The following ENTREP2 variants were observed in gnomAD, a reference collection of about 807,000 sequenced individuals.
The protein encoded by ENTREP2 is endosomal transmembrane epsin interactor 2, also known as protein ENTREP2.
chr15:29,515,803 T>C, the ENTREP2 span, among the ~76,000 whole-genome samples: 44 of 152,318 alleles, frequency 2.9e-4, no homozygotes, highest in Non-Finnish European at 5.9e-4. Context: ...ATGGGGAATG[T>C]ATCCCCTGGC....
chr15:29,543,678 C>T, the ENTREP2 span, among the ~76,000 whole-genome samples: 3 of 151,876 alleles, frequency 2.0e-5, no homozygotes, highest in African/African-American at 7.3e-5. Context: ...ATTCAGGAGG[C>T]TGAGGCAGGA....
chr15:29,255,145 A>G, the ENTREP2 span, among the ~76,000 whole-genome samples: 1 of 152,156 alleles, frequency 6.6e-6, no homozygotes, highest in Non-Finnish European at 1.5e-5. Flanking sequence ...AGAGACCTAT[A>G]ATCAGCCATT....
chr15:29,261,131 T>C, the ENTREP2 span, among the ~76,000 whole-genome samples: 2 of 152,136 alleles, frequency 1.3e-5, no homozygotes, highest in African/African-American at 4.8e-5. Flanking sequence ...ACACAGCTGC[T>C]TGGGAGGCTA....
At chr15:29,571,780 G>C in the ENTREP2 span, among the ~76,000 whole-genome samples, 1 of 152,320 alleles carries the variant, frequency 6.6e-6, no homozygotes, top group Admixed American at 6.5e-5. Flanking sequence ...TGCAAGTTTT[G>C]ATTGCCATAA....
At chr15:29,485,556 T>C in the ENTREP2 span, among the ~76,000 whole-genome samples, 87 of 152,240 alleles carry the variant, frequency 5.7e-4, no homozygotes, top group African/African-American at 2.1e-3. Context: ...GACAGAAGAT[T>C]ACCATTGAGG....
the ENTREP2 span, among the ~76,000 whole-genome samples, chr15:29,433,614 C>T: frequency 6.6e-6 from 1 of 152,228 alleles, no homozygotes; most frequent in East Asian, 1.9e-4. Context: ...CTTGACAAGT[C>T]TAGAGAGAAT....
At chr15:29,123,546 C>G in the ENTREP2 span, 1 of 1,551,738 alleles carries the variant, frequency 6.4e-7, no homozygotes, top group Middle Eastern at 1.7e-4. Context: ...CTTTGGAGGT[C>G]GCTGGGAAGG....
chr15:29,576,315 A>G, the ENTREP2 span, among the ~76,000 whole-genome samples: 1 of 152,246 alleles, frequency 6.6e-6, no homozygotes, highest in Non-Finnish European at 1.5e-5. Flanking sequence ...AGCTCATATC[A>G]TAATCAAAAG....
the ENTREP2 span, among the ~76,000 whole-genome samples, chr15:29,192,688 G>A: frequency 2.0e-5 from 3 of 152,288 alleles, no homozygotes; most frequent in South Asian, 6.2e-4. Context: ...CAAATACTAG[G>A]AATTAAAAAC....
chr15:29,447,230 C>G, the ENTREP2 span, among the ~76,000 whole-genome samples: 2 of 152,124 alleles, frequency 1.3e-5, no homozygotes, highest in African/African-American at 4.8e-5. Flanking sequence ...GAAAGTCCAA[C>G]CTTTAAAGCA....
At chr15:29,668,142 C>T in the ENTREP2 span, among the ~76,000 whole-genome samples, 2 of 152,240 alleles carry the variant, frequency 1.3e-5, no homozygotes, top group East Asian at 3.9e-4. Context: ...AAAAGGGTGT[C>T]GTTGATTAAA....
the ENTREP2 span, among the ~76,000 whole-genome samples, chr15:29,392,003 A>G: frequency 1.3e-5 from 2 of 151,596 alleles, no homozygotes; most frequent in Non-Finnish European, 2.9e-5. Flanking sequence ...TTTTTTTCCT[A>G]TTTTTTAGTA....
chr15:29,178,293 T>TAA, the ENTREP2 span, among the ~76,000 whole-genome samples: 2,321 of 111,322 alleles, frequency 0.021, 72 homozygotes, highest in African/African-American at 0.073. Flanking sequence ...GAACCTGTCT[T>TAA]AAAAAAAAAA....
At chr15:29,654,955 G>A in the ENTREP2 span, among the ~76,000 whole-genome samples, 2 of 152,106 alleles carry the variant, frequency 1.3e-5, no homozygotes, top group South Asian at 2.1e-4. Context: ...ACAAAAGGAG[G>A]GGTACTTTGT....
chr15:29,135,796 T>C, the ENTREP2 span, among the ~76,000 whole-genome samples: 1 of 152,212 alleles, frequency 6.6e-6, no homozygotes, highest in South Asian at 2.1e-4. The surrounding 1 kb of genome is among the most constrained non-coding windows in gnomAD (Gnocchi z 7.4). Context: ...GGCACTTCCC[T>C]GGCCTGAAGC....
At chr15:29,635,036 G>T in the ENTREP2 span, among the ~76,000 whole-genome samples, 2 of 152,146 alleles carry the variant, frequency 1.3e-5, no homozygotes, top group Admixed American at 6.5e-5. Context: ...GTAGAGACGG[G>T]GTTTCACCGT....
chr15:29,611,584 C>T, the ENTREP2 span, among the ~76,000 whole-genome samples: 3 of 152,112 alleles, frequency 2.0e-5, no homozygotes, highest in Non-Finnish European at 4.4e-5. Flanking sequence ...TTCCCAGCCA[C>T]TTTATCTGCT....
the ENTREP2 span, among the ~76,000 whole-genome samples, chr15:29,664,939 C>T: frequency 1.3e-5 from 2 of 152,196 alleles, no homozygotes; most frequent in African/African-American, 4.8e-5. Context: ...CTTTCTCTGC[C>T]ACCTTCTGGA....
chr15:29,400,127 C>T, the ENTREP2 span, among the ~76,000 whole-genome samples: 1 of 152,176 alleles, frequency 6.6e-6, no homozygotes, highest in Non-Finnish European at 1.5e-5. Context: ...GACTCTTGTG[C>T]CCGTGCACAT....
Sources: gnomAD v4.1 joint callset for allele counts (sites outside exome capture counted in the v4.1 genomes callset) on GRCh38, gnomAD v4.1.1 for gene constraint, Gnocchi (gnomAD v3.1) non-coding constraint, MANE v1.5 for transcripts, NCBI Gene and HGNC (gene_info 2026-07-23, HGNC 2026-07-21) for gene names.